Variants in SLC13A3 observed in about 807,000 individuals in gnomAD.
SLC13A3 encodes solute carrier family 13 member 3, also known as Na(+)/dicarboxylate cotransporter 3.
Under a neutral mutation model 59.0 loss-of-function variants are expected in SLC13A3, and 40 were observed. The ratio of observed to expected loss-of-function variants is 0.68; its 90% CI spans 0.53 to 0.88. SLC13A3 has a LOEUF of 0.88. Among genes scored for constraint, SLC13A3 ranks in the 40% least tolerant of loss-of-function variants. SLC13A3 has a pLI of 0.00. For synonymous variants in SLC13A3, 317 were observed against 330.3 expected, an observed-to-expected ratio of 0.96 and a Z score of 0.44; for missense variants, 699 against 783.2, an observed-to-expected ratio of 0.89 and a Z score of 1.28.
At chr20:46,655,754 T>C (rs1214307404), upstream of SLC13A3, among the ~76,000 whole-genome samples, 2 of 145,534 alleles carry the variant, frequency 1.4e-5, no homozygotes, top group South Asian at 2.1e-4. Context: ...TATATATATA[T>C]TTTATACAAA....
chr20:46,628,018 C>G (rs1339416670), intron 1 of SLC13A3, among the ~76,000 whole-genome samples: 1 of 152,182 alleles, frequency 6.6e-6, no homozygotes, highest in Non-Finnish European at 1.5e-5. Flanking sequence ...CTCCACCCAA[C>G]AGCAGCTCTG....
At position 46,563,470 on chromosome 20, in the gene SLC13A3, A is replaced by G. The variant is rs767556765; in HGVS notation, c.1576T>C (p.Ser526Pro). 6.2e-7 allele frequency: 1 copy of G among 1,614,168 alleles called. No individual in the cohort carries two copies. The highest frequency in any genetic ancestry group is 1.3e-5 in the African/African-American group (1 of 75,056). ...AAGGCGATGGAGTTGGGGGGCGTTG[A>G]GACCGGGAGCATGAAGGCAAAGGAG... is the stretch of plus-strand genomic sequence containing the variant. ...GCSFAFMLPV[S>P]TPPNSIAFAS... The change falls in exon 12 of 13, where the codon TCA becomes CCA. Residue 526 changes from serine to proline, a missense_variant. Ser to Pro is a moderately conservative substitution (Grantham distance 74). Coordinates refer to ENST00000279027, the MANE Select transcript of SLC13A3 (RefSeq NM_022829.6).
At chr20:46,580,299 T>C (rs1329683964) in intron 9 of SLC13A3, among the ~76,000 whole-genome samples, 3 of 152,020 alleles carry the variant, frequency 2.0e-5, no homozygotes, top group Non-Finnish European at 2.9e-5. Context: ...TCCCTTTGTA[T>C]AATAAGGAAA....
At chr20:46,617,358 A>C (rs1421477336) in intron 1 of SLC13A3, among the ~76,000 whole-genome samples, 1 of 151,998 alleles carries the variant, frequency 6.6e-6, no homozygotes, top group Non-Finnish European at 1.5e-5. Context: ...GTTCTTAGTC[A>C]GGTGCCTATA....
intron 1 of SLC13A3, among the ~76,000 whole-genome samples, chr20:46,659,890 G>A (rs1268151106): frequency 2.0e-5 from 3 of 152,088 alleles, no homozygotes; most frequent in African/African-American, 7.2e-5. Flanking sequence ...GCTAGCTTAT[G>A]AGAAATGACT....
At chr20:46,600,390 G>A (rs1463053815) in intron 3 of SLC13A3, among the ~76,000 whole-genome samples, 1 of 111,120 alleles carries the variant, frequency 9.0e-6, no homozygotes, top group Non-Finnish European at 2.0e-5. Flanking sequence ...GAAAGGGAGG[G>A]AAAGAAAGAA....
At chr20:46,635,112 G>C (rs1406108641) in intron 1 of SLC13A3, among the ~76,000 whole-genome samples, 1 of 152,186 alleles carries the variant, frequency 6.6e-6, no homozygotes, top group Non-Finnish European at 1.5e-5. Flanking sequence ...AGGCTGTTAT[G>C]AGAACCAAGG....
At chr20:46,639,646 G>A (rs2062828450) in intron 1 of SLC13A3, among the ~76,000 whole-genome samples, 1 of 152,120 alleles carries the variant, frequency 6.6e-6, no homozygotes, top group Admixed American at 6.5e-5. Context: ...TGTCCTCTGG[G>A]AAGCCTGTCT....
At chr20:46,611,190 T>A (rs1216425646) in intron 2 of SLC13A3, among the ~76,000 whole-genome samples, 1 of 152,196 alleles carries the variant, frequency 6.6e-6, no homozygotes, top group Non-Finnish European at 1.5e-5. Context: ...AAACCAATTA[T>A]CCCAACTCTC....
intron 9 of SLC13A3, 28 bp downstream of exon 9, chr20:46,583,544 A>G (rs1422696095): frequency 4.3e-6 from 7 of 1,611,944 alleles, no homozygotes; most frequent in Non-Finnish European, 5.9e-6. Context: ...CACTGAGCCC[A>G]CCGAGACCCC....
chr20:46,591,444 A>G (rs1418102287), intron 6 of SLC13A3, among the ~76,000 whole-genome samples: 1 of 152,240 alleles, frequency 6.6e-6, no homozygotes, highest in Non-Finnish European at 1.5e-5. Context: ...AGGTAGCCAT[A>G]TTAAAAAGTA....
At chr20:46,619,674 G>A (rs185355953) in intron 1 of SLC13A3, among the ~76,000 whole-genome samples, 14 of 152,240 alleles carry the variant, frequency 9.2e-5, no homozygotes, top group Admixed American at 7.2e-4. Flanking sequence ...AGCAGTCTAC[G>A]CTGCTTGTCA....
At chr20:46,639,887 A>G (rs1169812687) in intron 1 of SLC13A3, among the ~76,000 whole-genome samples, 1 of 152,194 alleles carries the variant, frequency 6.6e-6, no homozygotes, top group Admixed American at 6.5e-5. Context: ...GGCTGAGAAC[A>G]CAGACCCTGG....
chr20:46,662,727 G>C (rs930142537), intron 1 of SLC13A3, among the ~76,000 whole-genome samples: 4 of 152,212 alleles, frequency 2.6e-5, no homozygotes, highest in Non-Finnish European at 4.4e-5. Context: ...TATAGGCATG[G>C]CATGTTTGAG....
chr20:46,590,033 G>A (rs931834952), intron 6 of SLC13A3, among the ~76,000 whole-genome samples: 3 of 152,036 alleles, frequency 2.0e-5, no homozygotes, highest in Admixed American at 6.5e-5. Flanking sequence ...TCAATATTAC[G>A]TCAAAAACAC....
chr20:46,662,643 C>T (rs6124846), intron 1 of SLC13A3, among the ~76,000 whole-genome samples: 1 of 152,172 alleles, frequency 6.6e-6, no homozygotes, highest in Non-Finnish European at 1.5e-5. Flanking sequence ...CAAGATGAAC[C>T]TGAATCATCT....
intron 6 of SLC13A3, among the ~76,000 whole-genome samples, chr20:46,590,666 C>A (rs913851455): frequency 2.0e-5 from 3 of 152,050 alleles, no homozygotes; most frequent in Admixed American, 1.3e-4. Flanking sequence ...CACTTTGCTG[C>A]AAGGAAGCAG....
At chr20:46,643,157 A>T (rs533414072) in intron 1 of SLC13A3, among the ~76,000 whole-genome samples, 1 of 152,300 alleles carries the variant, frequency 6.6e-6, no homozygotes, top group South Asian at 2.1e-4. Context: ...CAAAAAAAAA[A>T]ATATCCCTGC....
intron 6 of SLC13A3, among the ~76,000 whole-genome samples, chr20:46,589,823 C>A (rs1165321685): frequency 6.6e-6 from 1 of 152,172 alleles, no homozygotes; most frequent in Non-Finnish European, 1.5e-5. Context: ...TGGACCCCTA[C>A]CTCACACCAA....
Sources: gnomAD v4.1 joint callset for allele counts (sites outside exome capture counted in the v4.1 genomes callset) on GRCh38, gnomAD v4.1.1 for gene constraint, MANE v1.5 for transcripts, NCBI Gene and HGNC (gene_info 2026-07-23, HGNC 2026-07-21) for gene names.